SMPDL3A: variants seen among roughly 807,000 people sequenced by gnomAD.
The protein encoded by SMPDL3A is cyclic GMP-AMP phosphodiesterase SMPDL3A.
SMPDL3A carries 39 observed loss-of-function variants against 38.5 expected under a neutral mutation model. That is an observed-to-expected ratio of 1.01 (90% CI 0.78 to 1.32). The LOEUF is 1.32. Among genes scored for constraint, SMPDL3A ranks in the 40% most tolerant of loss-of-function variants. The pLI is 0.00. For missense variants in SMPDL3A, 502 were observed against 536.2 expected (o/e 0.94, Z 0.63); for synonymous variants, 180 against 194.3 (o/e 0.93, Z 0.61).
intron 2 of SMPDL3A, among the ~76,000 whole-genome samples, chr6:122,796,266 C>T (rs139838570): frequency 1.3e-5 from 2 of 152,260 alleles, no homozygotes; most frequent in East Asian, 3.9e-4. Context: ...CTAACTGGTT[C>T]CCTTCATCAT....
chr6:122,803,869 C>T (rs190101073), intron 5 of SMPDL3A, 36 bp downstream of exon 5: 1,408 of 1,573,468 alleles, frequency 8.9e-4, no homozygotes, highest in Non-Finnish European at 1.1e-3. Flanking sequence ...TGGGAATAAA[C>T]GGAAGGCAAA....
At chr6:122,798,586 G>A (rs1014501942) in intron 3 of SMPDL3A, among the ~76,000 whole-genome samples, 1 of 152,146 alleles carries the variant, frequency 6.6e-6, no homozygotes, top group Non-Finnish European at 1.5e-5. Flanking sequence ...ACCTTGCAAA[G>A]CTTTTGTGAG....
At chr6:122,796,721 A>C in intron 2 of SMPDL3A, 103 bp from the exon 3 acceptor site, 2 of 855,846 alleles carry the variant, frequency 2.3e-6, no homozygotes, top group Non-Finnish European at 3.5e-6. Flanking sequence ...CTGCTGTTTT[A>C]AAATGGAAGT....
rs1440742950 is a variant in SMPDL3A at position 122,796,859 on chromosome 6, C to T, written c.362C>T (p.Ser121Leu). Residue 121 changes from serine (S) to leucine (L), a missense_variant, in exon 3 of 8, where the codon TCA (serine) becomes TTA (leucine). Ser to Leu is a moderately radical substitution (Grantham distance 145, BLOSUM62 -2). Transcript: ENST00000368440. ...SPPHVPVPEL[S>L]TDTVINVITN... The stretch of plus-strand genomic sequence containing the variant: ...CCTCATGTTCCTGTACCTGAACTCT[C>T]AACAGACACTGTTATAAATGTGATC... The T allele has an allele frequency of 2.5e-6, 4 of 1,613,066 alleles. No individual in the cohort carries two copies. In the East Asian group the frequency reaches 8.9e-5, roughly 36 times the overall value.
chr6:122,793,629 A>G (rs1266663509), intron 1 of SMPDL3A, among the ~76,000 whole-genome samples: 2 of 152,190 alleles, frequency 1.3e-5, no homozygotes, highest in African/African-American at 4.8e-5. Flanking sequence ...GATGTTTTCA[A>G]ATAGTGACTA....
intron 7 of SMPDL3A, among the ~76,000 whole-genome samples, chr6:122,807,503 T>A (rs1781672947): frequency 6.6e-6 from 1 of 151,856 alleles, no homozygotes; most frequent in Admixed American, 6.6e-5. Context: ...CGTCTCAAAA[T>A]AAAATAAAAT....
In SMPDL3A at chr6:122,809,217, T is replaced by G. The variant is rs1781769213; in HGVS notation, c.1171T>G (p.Leu391Val). Residue 391 changes from leucine to valine, a missense_variant, in exon 8 of 8, where the codon TTA becomes GTA. Transcript: ENST00000368440. Reference sequence around the variant, plus strand: ...TTTGCAGCCGGAAAGTTTATATGGATTAGCTAAACAATTTACAATCCTAGA... The same window carrying G: ...TTTGCAGCCGGAAAGTTTATATGGAGTAGCTAAACAATTTACAATCCTAGA... ...EDLQPESLYG[L>V]AKQFTILDSK... 1 of 1,614,144 alleles carries G rather than the reference T, an allele frequency of 6.2e-7. No individual in the cohort carries two copies. The highest frequency in any genetic ancestry group is 8.5e-7 in the Non-Finnish European group (1 of 1,180,030).
intron 6 of SMPDL3A, among the ~76,000 whole-genome samples, chr6:122,805,647 C>T (rs1053683385): frequency 2.0e-5 from 3 of 152,168 alleles, no homozygotes; most frequent in African/African-American, 7.2e-5. Context: ...GTTGTTGAGA[C>T]GGAGCCTCGC....
chr6:122,795,438 C>T (rs141131041), intron 1 of SMPDL3A, among the ~76,000 whole-genome samples: 1,558 of 152,092 alleles, frequency 0.01, 24 homozygotes, highest in African/African-American at 0.036. Context: ...CCACCGCGCC[C>T]GGCCTGAGCT....
chr6:122,790,425 C>T (rs1781041725), intron 1 of SMPDL3A, among the ~76,000 whole-genome samples: 1 of 152,172 alleles, frequency 6.6e-6, no homozygotes, highest in Admixed American at 6.5e-5. Context: ...AAAATAATTG[C>T]ACTGTTAAGA....
intron 3 of SMPDL3A, among the ~76,000 whole-genome samples, chr6:122,799,250 A>G (rs1387767219): frequency 6.6e-6 from 1 of 152,164 alleles, no homozygotes; most frequent in Non-Finnish European, 1.5e-5. Context: ...GTGCCACCGA[A>G]TTTGTGGGTA....
intron 1 of SMPDL3A, among the ~76,000 whole-genome samples, chr6:122,793,184 A>G (rs1781133552): frequency 6.6e-6 from 1 of 152,242 alleles, no homozygotes; most frequent in Non-Finnish European, 1.5e-5. Flanking sequence ...TATTACTTGG[A>G]AATGGGGTTT....
chr6:122,805,236 G>A (rs1488977891), intron 6 of SMPDL3A, 147 bp downstream of exon 6: 2 of 631,756 alleles, frequency 3.2e-6, no homozygotes, highest in Non-Finnish European at 5.1e-6. Context: ...CTCAATGGTT[G>A]TATGATGAGT....
At chr6:122,804,791 A>G (rs1490961086) in intron 5 of SMPDL3A, 118 bp from the exon 6 acceptor site, 2 of 770,830 alleles carry the variant, frequency 2.6e-6, no homozygotes, top group Admixed American at 5.7e-5. Context: ...AAGAGATGAT[A>G]TATTTGCTTT....
chr6:122,794,626 T>G (rs1450228900), intron 1 of SMPDL3A, among the ~76,000 whole-genome samples: 1 of 151,962 alleles, frequency 6.6e-6, no homozygotes, highest in Non-Finnish European at 1.5e-5. Context: ...AAAAACTTTC[T>G]TAAGATGATT....
chr6:122,803,833 G>A lies in SMPDL3A; in HGVS notation c.738G>A (p.Lys246=). The A allele has an allele frequency of 1.2e-6, 2 of 1,612,666 alleles. No individual in the cohort carries two copies. The highest frequency in any genetic ancestry group is 1.7e-6 in the Non-Finnish European group (2 of 1,179,656). Residue 246 remains lysine (K), a splice_region_variant and synonymous_variant, in exon 5 of 8, where the codon AAG becomes AAA. Coordinates refer to ENST00000368440, the MANE Select transcript of SMPDL3A (RefSeq NM_006714.5). The part of the protein sequence containing the change: ...TLNNSQQNKE[K]VYIIAHVPVG... ...ACAACTCTCAGCAGAATAAGGAGAA[G>A]GTAGATCCCATAGACCAAAACCATC...
At chr6:122,807,078 A>C (rs1781646204) in intron 7 of SMPDL3A, among the ~76,000 whole-genome samples, 1 of 95,322 alleles carries the variant, frequency 1.0e-5, no homozygotes. Context: ...CCTATTGTAG[A>C]GATGGGGGGG....
intron 7 of SMPDL3A, among the ~76,000 whole-genome samples, chr6:122,808,601 C>CCCTTCCTTCCTCCCTT (rs1446631711): frequency 3.8e-5 from 2 of 53,114 alleles, no homozygotes; most frequent in Non-Finnish European, 8.2e-5. Context: ...CTTCCTCCCT[C>CCCTTCCTTCCTCCCTT]CCTCCCTCCC....
In SMPDL3A at chr6:122,789,478, T is replaced by A; in HGVS notation, c.112+20T>A. 3.9e-6 allele frequency: 6 copies of A among 1,533,778 alleles called. No homozygotes were observed. Among genetic ancestry groups the A allele is most frequent in the Non-Finnish European group, 5.3e-6 (6 of 1,132,286 alleles). On this transcript the variant is annotated intron_variant, in intron 1 of 7. Coordinates refer to ENST00000368440, the MANE Select transcript of SMPDL3A (RefSeq NM_006714.5). The stretch of plus-strand genomic sequence containing the variant: ...CGATAGGTGAGTTGTCCGCGACCCT[T>A]CTCTTCCCAGCCGGCAAAGAGCGCG...
Sources: gnomAD v4.1 joint callset for allele counts (sites outside exome capture counted in the v4.1 genomes callset) on GRCh38, gnomAD v4.1.1 for gene constraint, MANE v1.5 for transcripts, NCBI Gene and HGNC (gene_info 2026-07-23, HGNC 2026-07-21) for gene names.